Variants in GLIS3 observed in about 807,000 individuals in gnomAD.
GLIS3 encodes the protein zinc finger protein GLIS3.
GLIS3 carries 53 observed loss-of-function variants against 78.6 expected under a neutral mutation model. That is an observed-to-expected ratio of 0.67 (90% CI 0.54 to 0.85). The LOEUF (loss-of-function observed/expected upper bound fraction) is 0.85, where lower values mean the gene tolerates loss of function less well. Among genes scored for constraint, GLIS3 ranks in the 40% least tolerant of loss-of-function variants. The probability of loss-of-function intolerance (pLI) is 0.00; values close to 1 mark genes in which losing one functional copy is unlikely to be tolerated. For synonymous variants in GLIS3, 684 were observed against 509.9 expected, an observed-to-expected ratio of 1.34 and a Z score of -4.60; for missense variants, 1,703 against 1,231.1, an observed-to-expected ratio of 1.38 and a Z score of -5.74.
intron 2 of GLIS3, among the ~76,000 whole-genome samples, chr9:4,209,206 C>A (rs1820159842): frequency 6.6e-6 from 1 of 152,166 alleles, no homozygotes; most frequent in South Asian, 2.1e-4. Context: ...AAGATGCTCA[C>A]TCAAAGACGT....
intron 6 of GLIS3, among the ~76,000 whole-genome samples, chr9:3,927,968 C>A (rs1412708545): frequency 2.6e-5 from 4 of 152,130 alleles, no homozygotes; most frequent in African/African-American, 9.7e-5. Flanking sequence ...TCTCCCAGAG[C>A]CTTTATTGAA....
chr9:3,965,402 C>G (rs999081580), intron 4 of GLIS3, among the ~76,000 whole-genome samples: 3 of 151,930 alleles, frequency 2.0e-5, no homozygotes, highest in African/African-American at 7.3e-5. Flanking sequence ...CTATGTTAGT[C>G]AGGCTAGTCT....
At chr9:4,385,804 AG>A in the GLIS3 span, among the ~76,000 whole-genome samples, 2 of 63,162 alleles carry the variant, frequency 3.2e-5, no homozygotes, top group African/African-American at 7.1e-5. Flanking sequence ...AAAGAAAGAA[AG>A]AAAGAAAAGA....
intron 4 of GLIS3, among the ~76,000 whole-genome samples, chr9:4,004,374 T>C (rs1220072088): frequency 2.0e-5 from 3 of 152,098 alleles, no homozygotes; most frequent in Non-Finnish European, 4.4e-5. Flanking sequence ...GGAAGGAGTT[T>C]AATACATGAA....
At chr9:4,180,745 T>C (rs549779890) in intron 2 of GLIS3, among the ~76,000 whole-genome samples, 28 of 152,284 alleles carry the variant, frequency 1.8e-4, no homozygotes, top group Middle Eastern at 3.4e-3. Context: ...GAGTTATAAA[T>C]TGGACAGTCA....
At chr9:3,857,998 T>C (rs1819901279) in intron 8 of GLIS3, among the ~76,000 whole-genome samples, 1 of 152,188 alleles carries the variant, frequency 6.6e-6, no homozygotes, top group Non-Finnish European at 1.5e-5. Context: ...CCAAATCCCC[T>C]GGTCCTTAAA....
intron 4 of GLIS3, among the ~76,000 whole-genome samples, chr9:4,074,879 C>G (rs1827914998): frequency 6.6e-6 from 1 of 152,196 alleles, no homozygotes; most frequent in Non-Finnish European, 1.5e-5. Context: ...GAAGCCAATT[C>G]AAGAGGATCA....
intron 7 of GLIS3, among the ~76,000 whole-genome samples, chr9:3,895,542 T>G (rs1822767304): frequency 6.6e-6 from 1 of 152,202 alleles, no homozygotes; most frequent in Non-Finnish European, 1.5e-5. Flanking sequence ...TGCTTTAACC[T>G]GGGACGCTAT....
chr9:3,983,308 G>A (rs960845549), intron 4 of GLIS3, among the ~76,000 whole-genome samples: 42 of 152,160 alleles, frequency 2.8e-4, no homozygotes, highest in African/African-American at 9.9e-4. Flanking sequence ...CCAGCCATGT[G>A]GAACTGTAAG....
the GLIS3 span, among the ~76,000 whole-genome samples, chr9:4,366,715 C>T: frequency 6.6e-6 from 1 of 152,202 alleles, no homozygotes; most frequent in Non-Finnish European, 1.5e-5. Context: ...TGGCTGGAGG[C>T]TCCAGGCCTA....
At chr9:4,318,282 T>G (rs1171280312) in intron 2 of GLIS3, among the ~76,000 whole-genome samples, 1 of 152,176 alleles carries the variant, frequency 6.6e-6, no homozygotes, top group Non-Finnish European at 1.5e-5. Context: ...AAGAAATGTA[T>G]ATCTCCCAGT....
intron 8 of GLIS3, among the ~76,000 whole-genome samples, chr9:3,873,823 T>G (rs959604022): frequency 3.7e-5 from 4 of 107,386 alleles, no homozygotes; most frequent in African/African-American, 1.4e-4. Flanking sequence ...GCCTTCCCAA[T>G]ACTCCATAGA....
the GLIS3 span, among the ~76,000 whole-genome samples, chr9:4,402,717 T>C: frequency 0.017 from 2,588 of 152,220 alleles, 72 homozygotes; most frequent in African/African-American, 0.058. Context: ...AATAGTAGAA[T>C]TGATTAAGCA....
chr9:4,455,421 A>G, the GLIS3 span, among the ~76,000 whole-genome samples: 2 of 152,166 alleles, frequency 1.3e-5, no homozygotes, highest in South Asian at 4.2e-4. Flanking sequence ...TGGAAGGGCA[A>G]GAAAAAGTTA....
intron 2 of GLIS3, among the ~76,000 whole-genome samples, chr9:4,248,965 T>C (rs1307566379): frequency 6.6e-6 from 1 of 152,226 alleles, no homozygotes; most frequent in East Asian, 1.9e-4. Context: ...TTCTGAGGCC[T>C]CTGTTCTGTT....
At chr9:4,390,388 C>T in the GLIS3 span, among the ~76,000 whole-genome samples, 1 of 148,482 alleles carries the variant, frequency 6.7e-6, no homozygotes, top group African/African-American at 2.5e-5. Flanking sequence ...TTTTTTTAAA[C>T]AGGGTCTTGC....
chr9:4,023,289 T>C lies in GLIS3; in HGVS notation c.1711-86100A>G, dbSNP rs1823038018. Among the ~76,000 whole-genome samples the C allele has an allele frequency of 3.3e-5, 5 of 152,192 alleles. No homozygotes were observed. In the South Asian group the frequency reaches 1.0e-3, roughly 31 times the overall value. ...AAATTTTCCTTTTTAGTTTAAGTCC[T>C]GTGCAGTACCCAACACAGCATTAGG... On this transcript the variant is annotated intron_variant, in intron 4 of 10. Transcript: ENST00000381971.
intron 4 of GLIS3, among the ~76,000 whole-genome samples, chr9:3,939,687 A>G (rs907326018): frequency 6.6e-6 from 1 of 152,232 alleles, no homozygotes; most frequent in Non-Finnish European, 1.5e-5. Flanking sequence ...GCAGAAGACA[A>G]TAGAACAGCA....
At chr9:3,899,934 T>TTAGA (rs901894453) in intron 6 of GLIS3, among the ~76,000 whole-genome samples, 1 of 152,046 alleles carries the variant, frequency 6.6e-6, no homozygotes, top group Non-Finnish European at 1.5e-5. Context: ...GGTGGCAGCT[T>TTAGA]TAGATAGGAG....
Sources: allele counts gnomAD v4.1 joint callset (sites outside exome capture counted in the v4.1 genomes callset), GRCh38; gene constraint gnomAD v4.1.1; transcripts MANE v1.5; gene names NCBI Gene and HGNC (gene_info 2026-07-23, HGNC 2026-07-21).